SPATA16: variants seen among roughly 807,000 people sequenced by gnomAD.
SPATA16 encodes spermatogenesis associated 16, also known as spermatogenesis-associated protein 16.
SPATA16 carries 36 observed loss-of-function variants against 63.3 expected under a neutral mutation model. That is an observed-to-expected ratio of 0.57 (90% CI 0.44 to 0.75). The LOEUF is 0.75. Ranked by LOEUF, SPATA16 falls within the 30% of genes least tolerant of loss-of-function variation. SPATA16 has a pLI of 0.00. For missense variants in SPATA16, 646 were observed against 679.3 expected, an observed-to-expected ratio of 0.95 and a Z score of 0.54; for synonymous variants, 203 against 216.7, an observed-to-expected ratio of 0.94 and a Z score of 0.56.
intron 5 of SPATA16, among the ~76,000 whole-genome samples, chr3:172,958,080 T>A (rs1394894681): frequency 6.6e-6 from 1 of 152,246 alleles, no homozygotes; most frequent in Admixed American, 6.5e-5. Flanking sequence ...AGAACTTGCA[T>A]GGCCTTCAAC....
intron 6 of SPATA16, among the ~76,000 whole-genome samples, chr3:172,956,091 T>G (rs17759346): frequency 0.13 from 19,800 of 152,088 alleles, 1,643 homozygotes; most frequent in Non-Finnish European, 0.19. Flanking sequence ...ACCAAAATAA[T>G]GCTTGATGCA....
chr3:173,088,020 T>TTCTTTCTC (rs1560118798), intron 2 of SPATA16, among the ~76,000 whole-genome samples: 6 of 91,634 alleles, frequency 6.5e-5, no homozygotes, highest in African/African-American at 2.2e-4. Flanking sequence ...CTTTCTTTCT[T>TTCTTTCTC]TCTTTCTTTC....
chr3:173,122,970 A>T (rs1428572325), intron 1 of SPATA16, among the ~76,000 whole-genome samples: 1 of 152,216 alleles, frequency 6.6e-6, no homozygotes, highest in Non-Finnish European at 1.5e-5. Flanking sequence ...TAATGGACAT[A>T]CTTCTGTAAG....
intron 10 of SPATA16, among the ~76,000 whole-genome samples, chr3:172,889,929 A>G (rs922193197): frequency 6.6e-6 from 1 of 152,188 alleles, no homozygotes; most frequent in Non-Finnish European, 1.5e-5. Context: ...CACTTGGTCC[A>G]AGGTATTGGG....
intron 1 of SPATA16, among the ~76,000 whole-genome samples, chr3:173,139,152 C>T (rs879685327): frequency 7.9e-5 from 12 of 152,172 alleles, no homozygotes; most frequent in Middle Eastern, 3.4e-3. Flanking sequence ...AAACAGTAAC[C>T]GCTCAATAAA....
intron 2 of SPATA16, among the ~76,000 whole-genome samples, chr3:173,056,008 A>C (rs146410559): frequency 6.4e-4 from 98 of 152,274 alleles, no homozygotes; most frequent in African/African-American, 2.2e-3. Context: ...GGGGTTTTGG[A>C]TAAGAGGATA....
chr3:173,076,896 T>C lies in SPATA16; in HGVS notation c.613-27802A>G, dbSNP rs74997914. ...TGGCCAGGAAGTGCATGCTCTCTGATTATAACAGGCAGCAAATCCTCAGAA... is the reference window on the plus strand; with the variant it reads ...TGGCCAGGAAGTGCATGCTCTCTGACTATAACAGGCAGCAAATCCTCAGAA... On this transcript the variant is annotated intron_variant, in intron 2 of 10. Coordinates refer to ENST00000351008, the MANE Select transcript of SPATA16 (RefSeq NM_031955.6). Among the ~76,000 whole-genome samples, 1,254 of 152,248 alleles carry C rather than the reference T, an allele frequency of 8.2e-3. 20 individuals are homozygous for C. The highest frequency in any genetic ancestry group is 0.028 in the African/African-American group (1,150 of 41,572).
intron 10 of SPATA16, among the ~76,000 whole-genome samples, chr3:172,897,471 G>A (rs917092844): frequency 6.6e-6 from 1 of 152,040 alleles, no homozygotes; most frequent in Non-Finnish European, 1.5e-5. Context: ...TTTCATCACT[G>A]TTTTGTAATT....
intron 4 of SPATA16, among the ~76,000 whole-genome samples, chr3:172,978,071 C>G (rs895189050): frequency 2.0e-5 from 3 of 151,598 alleles, no homozygotes; most frequent in Non-Finnish European, 4.4e-5. Flanking sequence ...AATTAGGACT[C>G]TAAAAAATCA....
At chr3:172,894,681 A>T (rs771150068) in intron 10 of SPATA16, among the ~76,000 whole-genome samples, 22 of 152,216 alleles carry the variant, frequency 1.4e-4, no homozygotes, top group Non-Finnish European at 2.5e-4. Context: ...TCTAACTCCC[A>T]AAGTGATAGT....
intron 3 of SPATA16, among the ~76,000 whole-genome samples, chr3:173,023,214 C>T (rs1005389481): frequency 2.0e-5 from 3 of 150,654 alleles, no homozygotes; most frequent in East Asian, 2.0e-4. Context: ...TGATGAGGCT[C>T]GAATATAAGT....
chr3:173,073,782 C>T (rs1468536163), intron 2 of SPATA16, among the ~76,000 whole-genome samples: 2 of 152,184 alleles, frequency 1.3e-5, no homozygotes, highest in Non-Finnish European at 2.9e-5. Context: ...GAGAAGTGGG[C>T]CACCATCCTC....
intron 10 of SPATA16, among the ~76,000 whole-genome samples, chr3:172,898,948 A>G (rs1055202522): frequency 6.8e-6 from 1 of 148,054 alleles, no homozygotes; most frequent in Non-Finnish European, 1.5e-5. Flanking sequence ...TTCCTTTGAG[A>G]CTCCTTTTTT....
At chr3:172,983,278 A>G (rs111305699) in intron 4 of SPATA16, among the ~76,000 whole-genome samples, 2 of 151,386 alleles carry the variant, frequency 1.3e-5, no homozygotes, top group East Asian at 1.9e-4. Flanking sequence ...TCTTTTCCCT[A>G]TGTTAATTAA....
intron 2 of SPATA16, among the ~76,000 whole-genome samples, chr3:173,106,118 G>A (rs1737616618): frequency 6.6e-6 from 1 of 152,080 alleles, no homozygotes; most frequent in Non-Finnish European, 1.5e-5. Flanking sequence ...GAGTGATAAA[G>A]CAAAATTAAA....
chr3:172,924,313 A>G lies in SPATA16; in HGVS notation c.1233T>C (p.His411=). 3.1e-6 allele frequency: 5 copies of G among 1,611,148 alleles called. No homozygotes were observed. The highest frequency in any genetic ancestry group is 1.3e-5 in the African/African-American group (1 of 74,974). Residue 411 remains histidine (H), a synonymous_variant, in exon 8 of 11, where the codon CAT becomes CAC. Coordinates refer to ENST00000351008, the MANE Select transcript of SPATA16 (RefSeq NM_031955.6). ...CTCTGGTCAGACCGAAAGGTGTTTT[A>G]TGCTCTAAAAATTGTAACAATAAAC... ...SSRKLPIFTE[H]KTPFGLTRED... is the part of the protein sequence containing the mutation.
At chr3:172,951,386 G>A (rs934155412) in intron 6 of SPATA16, among the ~76,000 whole-genome samples, 111 of 151,816 alleles carry the variant, frequency 7.3e-4, no homozygotes, top group African/African-American at 2.6e-3. Context: ...CAGTCTCATA[G>A]AAATTATAAG....
intron 1 of SPATA16, among the ~76,000 whole-genome samples, chr3:173,125,150 A>G (rs1458903197): frequency 6.6e-6 from 1 of 152,124 alleles, no homozygotes; most frequent in Non-Finnish European, 1.5e-5. Context: ...GTGCATGCCA[A>G]CCACATCCCC....
intron 3 of SPATA16, among the ~76,000 whole-genome samples, chr3:173,041,474 C>T (rs1044126150): frequency 6.6e-6 from 1 of 152,096 alleles, no homozygotes; most frequent in South Asian, 2.1e-4. Flanking sequence ...AGAACAACCA[C>T]CCATATGTTT....
Sources: allele counts gnomAD v4.1 joint callset (sites outside exome capture counted in the v4.1 genomes callset), GRCh38; gene constraint gnomAD v4.1.1; transcripts MANE v1.5; gene names NCBI Gene and HGNC (gene_info 2026-07-23, HGNC 2026-07-21).